Variants in INTS3 observed in about 807,000 individuals in gnomAD.
INTS3 encodes SOSS complex subunit A.
Under a neutral mutation model 146.3 loss-of-function variants are expected in INTS3, and 34 were observed. The ratio of observed to expected loss-of-function variants is 0.23; its 90% CI spans 0.18 to 0.31. The LOEUF (loss-of-function observed/expected upper bound fraction) is 0.31, where lower values mean the gene tolerates loss of function less well. INTS3 is among the 10% of genes least tolerant of loss of function. The pLI, the probability that INTS3 is intolerant of heterozygous loss-of-function variation, is 1.00. For missense variants in INTS3, 757 were observed against 1,304.2 expected, an observed-to-expected ratio of 0.58 and a Z score of 6.46; for synonymous variants, 475 against 494.9, an observed-to-expected ratio of 0.96 and a Z score of 0.53.
intron 11 of INTS3, 80 bp from the exon 12 acceptor site, chr1:153,760,231 T>TAA: frequency 1.1e-4 from 82 of 721,962 alleles, no homozygotes; most frequent in South Asian, 5.7e-4. Flanking sequence ...AGACTCTGTT[T>TAA]CAAAAAAAAA....
At chr1:153,769,324 G>T (rs928144551) in intron 22 of INTS3, among the ~76,000 whole-genome samples, 7 of 152,122 alleles carry the variant, frequency 4.6e-5, no homozygotes, top group Non-Finnish European at 1.0e-4. Context: ...CATGCATAAG[G>T]TCCCCAAGAG....
chr1:153,729,830 A>C (rs1255034265), intron 1 of INTS3, among the ~76,000 whole-genome samples: 4 of 144,478 alleles, frequency 2.8e-5, no homozygotes. Context: ...GCGCCACTGC[A>C]CTCCAGCCTG....
At chr1:153,739,960 C>T (rs998939678) in intron 1 of INTS3, among the ~76,000 whole-genome samples, 7 of 150,332 alleles carry the variant, frequency 4.7e-5, no homozygotes, top group Non-Finnish European at 8.8e-5. Context: ...ACCACCATGC[C>T]CGGCTAATTT....
intron 1 of INTS3, among the ~76,000 whole-genome samples, chr1:153,739,809 T>C (rs1671451595): frequency 6.6e-6 from 1 of 151,760 alleles, no homozygotes; most frequent in Non-Finnish European, 1.5e-5. Context: ...AAATATATTT[T>C]TTTGAGACAG....
chr1:153,760,932 TG>T lies in INTS3; in HGVS notation c.1409+19del, dbSNP rs1558004398. 6.2e-7 allele frequency: 1 copy of T among 1,610,570 alleles called. No homozygotes were observed. The highest frequency in any genetic ancestry group is 8.5e-7 in the Non-Finnish European group (1 of 1,176,780). On this transcript the variant is annotated intron_variant, in intron 13 of 29. Coordinates refer to ENST00000318967, the MANE Select transcript of INTS3 (RefSeq NM_023015.5). Reference sequence around the variant, plus strand: ...ACGGGTCTTGGCGTAAGGAATTTGGTGGGGGAAGGAGGTTGTTTTCCCATTT... The same window carrying T: ...ACGGGTCTTGGCGTAAGGAATTTGGTGGGGAAGGAGGTTGTTTTCCCATTT...
At position 153,744,134 on chromosome 1, in the gene INTS3, A is replaced by G. The variant is rs1227776431; in HGVS notation, c.318+2766A>G. 5.3e-5 allele frequency among the ~76,000 whole-genome samples: 8 copies of G among 151,838 alleles called. 1 individual carries two copies. Among genetic ancestry groups the G allele is most frequent in the African/African-American group, 1.9e-4 (8 of 41,356 alleles). On this transcript the variant is annotated intron_variant, in intron 3 of 29. Coordinates refer to ENST00000318967, the MANE Select transcript of INTS3 (RefSeq NM_023015.5). ...CAGCAAACCGACACAGAGGTCGGTA[A>G]CACAACTGGCAGCCTTAGGTGTATG... is the stretch of plus-strand genomic sequence containing the variant.
chr1:153,731,170 C>T (rs569480790), intron 1 of INTS3, among the ~76,000 whole-genome samples: 2 of 152,098 alleles, frequency 1.3e-5, no homozygotes, highest in African/African-American at 4.8e-5. Flanking sequence ...AACACGCCCA[C>T]AAGAAGGTAA....
intron 21 of INTS3, among the ~76,000 whole-genome samples, chr1:153,768,133 C>A (rs1672670481): frequency 3.9e-5 from 6 of 152,198 alleles, no homozygotes; most frequent in Admixed American, 3.9e-4. Flanking sequence ...CAAACCAGAT[C>A]CATGTTCATA....
intron 7 of INTS3, chr1:153,752,049 G>A (rs1671977505): frequency 3.8e-6 from 2 of 527,962 alleles, no homozygotes; most frequent in South Asian, 4.6e-5. Flanking sequence ...AGCCAGCAGG[G>A]CTTCAGCACT....
At chr1:153,733,830 C>T (rs1025594315) in intron 1 of INTS3, among the ~76,000 whole-genome samples, 5 of 151,994 alleles carry the variant, frequency 3.3e-5, no homozygotes, top group African/African-American at 1.2e-4. Context: ...CTCTCGATCT[C>T]CTAACCTCGT....
At chr1:153,755,176 T>G (rs542102053) in intron 9 of INTS3, among the ~76,000 whole-genome samples, 16 of 152,292 alleles carry the variant, frequency 1.1e-4, no homozygotes, top group Middle Eastern at 3.4e-3. Flanking sequence ...AATGGCAGAA[T>G]TACTTGAGCA....
chr1:153,733,682 G>A (rs986857825), intron 1 of INTS3, among the ~76,000 whole-genome samples: 1 of 151,636 alleles, frequency 6.6e-6, no homozygotes, highest in African/African-American at 2.4e-5. Context: ...ACAGCTCCCT[G>A]CAACCTTCGC....
chr1:153,761,183 C>G (rs1180383091), intron 13 of INTS3: 1 of 795,948 alleles, frequency 1.3e-6, no homozygotes, highest in Admixed American at 3.3e-5. Context: ...ACTGATTGTG[C>G]TTAGACCTAT....
chr1:153,754,274 A>G (rs1045491627), intron 8 of INTS3, among the ~76,000 whole-genome samples: 1 of 152,152 alleles, frequency 6.6e-6, no homozygotes, highest in African/African-American at 2.4e-5. Flanking sequence ...CATGCCACAA[A>G]TAACATTGAT....
At position 153,767,779 on chromosome 1, in the gene INTS3, G is replaced by A; in HGVS notation, c.2196G>A (p.Glu732=). 7 of 1,613,530 alleles carry A rather than the reference G, an allele frequency of 4.3e-6. No homozygotes were observed. Among genetic ancestry groups the A allele is most frequent in the Non-Finnish European group, 5.9e-6 (7 of 1,179,772 alleles). The change falls in exon 21 of 30, where the codon GAG becomes GAA. Residue 732 remains glutamate, a synonymous_variant. Coordinates refer to ENST00000318967, the MANE Select transcript of INTS3 (RefSeq NM_023015.5). ...TGATGGACATGAAGGCCTGCCAGGA[G>A]GACGATGTGCGGCTCCTGTGCCACC... ...CLMMDMKACQ[E]DDVRLLCHLT...
At chr1:153,747,572 C>T in intron 5 of INTS3, 1 of 594,178 alleles carries the variant, frequency 1.7e-6, no homozygotes, top group East Asian at 2.8e-5. Context: ...TAAGTCTTGC[C>T]TCATTTTCTT....
chr1:153,746,821 A>G, intron 3 of INTS3, 136 bp from the exon 4 acceptor site: 1 of 615,114 alleles, frequency 1.6e-6, no homozygotes, highest in Non-Finnish European at 2.9e-6. Context: ...TCCAGAATGA[A>G]AAGTATTTCA....
intron 1 of INTS3, among the ~76,000 whole-genome samples, chr1:153,739,278 G>C (rs2101785233): frequency 6.6e-6 from 1 of 152,132 alleles, no homozygotes; most frequent in East Asian, 1.9e-4. Context: ...TGTTGGCTAG[G>C]ATAGTCTTGA....
In INTS3 at chr1:153,752,834, T is replaced by A. The variant is rs142053068; in HGVS notation, c.859+426T>A. Among the ~76,000 whole-genome samples the A allele has an allele frequency of 4.2e-3, 640 of 152,210 alleles. 8 individuals carry two copies. Among genetic ancestry groups the A allele is most frequent in the Middle Eastern group, 0.031 (9 of 294 alleles). On this transcript the variant is annotated intron_variant, in intron 8 of 29. Transcript: ENST00000318967. Reference sequence around the variant, plus strand: ...AGAGAAGGCCCCTCCCTGGGAACAGTCTTGCCTCGAATTCCAAGGATCCAG... The same window carrying A: ...AGAGAAGGCCCCTCCCTGGGAACAGACTTGCCTCGAATTCCAAGGATCCAG...
Sources: allele counts gnomAD v4.1 joint callset (sites outside exome capture counted in the v4.1 genomes callset), GRCh38; gene constraint gnomAD v4.1.1; transcripts MANE v1.5; gene names NCBI Gene and HGNC (gene_info 2026-07-23, HGNC 2026-07-21).